Variants in RICTOR observed in about 807,000 individuals in gnomAD.
RICTOR encodes rapamycin-insensitive companion of mTOR.
A neutral mutation model predicts 214.9 loss-of-function variants in RICTOR; 49 were observed. That is an observed-to-expected ratio of 0.23 (90% CI 0.18 to 0.29). The LOEUF is 0.29. Ranked by LOEUF, RICTOR falls within the 10% of genes least tolerant of loss-of-function variation. The pLI, the probability that RICTOR is intolerant of heterozygous loss-of-function variation, is 1.00. For missense variants in RICTOR, 1,625 were observed against 2,047.0 expected (o/e 0.79, Z 3.98); for synonymous variants, 717 against 711.3 (o/e 1.01, Z -0.13).
At position 39,073,382 on chromosome 5, in the gene RICTOR, T is replaced by G. The variant is rs994149824; in HGVS notation, c.97+729A>C. Among the ~76,000 whole-genome samples the G allele has an allele frequency of 2.0e-5, 3 of 152,116 alleles. No homozygotes were observed. The East Asian group carries it at 5.8e-4, about 29-fold the overall frequency. ...CTGGCTAGTAACGGGATTAGGTCAT[T>G]AAAAATATCACCCGAGTTTCCCCAG... On this transcript the variant is annotated intron_variant, in intron 2 of 37. Transcript: ENST00000357387.
At chr5:39,051,752 C>CAA (rs34743371) in intron 2 of RICTOR, among the ~76,000 whole-genome samples, 103 of 147,642 alleles carry the variant, frequency 7.0e-4, no homozygotes, top group Non-Finnish European at 1.1e-3. Context: ...GACTCTGTCT[C>CAA]AAAAAAAAAA....
intron 15 of RICTOR, among the ~76,000 whole-genome samples, 192 bp downstream of exon 15, chr5:38,966,449 A>C (rs1458451742): frequency 1.3e-5 from 2 of 149,284 alleles, no homozygotes; most frequent in African/African-American, 4.8e-5. Context: ...ATGCATGTGC[A>C]TGCGCATGCG....
At chr5:39,012,929 T>G (rs1754653908) in intron 3 of RICTOR, among the ~76,000 whole-genome samples, 1 of 152,160 alleles carries the variant, frequency 6.6e-6, no homozygotes. Context: ...GGTTACTCTC[T>G]GCTTTTCAAG....
At chr5:38,999,466 G>C (rs987648836) in intron 5 of RICTOR, among the ~76,000 whole-genome samples, 1 of 151,972 alleles carries the variant, frequency 6.6e-6, no homozygotes, top group African/African-American at 2.4e-5. Context: ...GAACATGAAG[G>C]CAAAATAGAG....
intron 2 of RICTOR, among the ~76,000 whole-genome samples, chr5:39,040,769 G>A (rs189728855): frequency 1.1e-4 from 17 of 152,066 alleles, no homozygotes; most frequent in Middle Eastern, 3.4e-3. Flanking sequence ...GTATATCTAC[G>A]CAGTATTTCA....
intron 3 of RICTOR, among the ~76,000 whole-genome samples, chr5:39,004,160 G>A (rs1580072199): frequency 6.6e-6 from 1 of 152,060 alleles, no homozygotes; most frequent in East Asian, 1.9e-4. Flanking sequence ...TCATTTTGAT[G>A]GTTCCTTATT....
At chr5:39,069,917 T>C (rs1430303168) in intron 2 of RICTOR, among the ~76,000 whole-genome samples, 1 of 152,216 alleles carries the variant, frequency 6.6e-6, no homozygotes, top group Non-Finnish European at 1.5e-5. Flanking sequence ...TTAATCATTC[T>C]CTCCTCTGGC....
chr5:39,050,322 C>G (rs554564565), intron 2 of RICTOR, among the ~76,000 whole-genome samples: 30 of 151,678 alleles, frequency 2.0e-4, no homozygotes, highest in East Asian at 1.2e-3. Context: ...GAACTTACTG[C>G]TTTGTTTTTC....
intron 3 of RICTOR, among the ~76,000 whole-genome samples, chr5:39,010,215 C>G (rs559239503): frequency 6.6e-6 from 1 of 152,278 alleles, no homozygotes; most frequent in South Asian, 2.1e-4. Context: ...AGGCTTCCCC[C>G]TTTTCTAGGC....
intron 2 of RICTOR, among the ~76,000 whole-genome samples, chr5:39,061,675 G>A (rs984490446): frequency 5.3e-5 from 8 of 150,912 alleles, no homozygotes; most frequent in African/African-American, 1.9e-4. Flanking sequence ...ATTCCTCCCG[G>A]AATCAAAAAT....
chr5:38,976,135 T>C (rs1751212667), intron 9 of RICTOR, among the ~76,000 whole-genome samples: 1 of 152,330 alleles, frequency 6.6e-6, no homozygotes, highest in South Asian at 2.1e-4. Context: ...GTTTCCATTA[T>C]TCCCTCCTCT....
rs1475619652 is a variant in RICTOR at position 38,959,990 on chromosome 5, T to C, written c.1852-12A>G. 2 of 1,528,076 alleles carry C rather than the reference T, an allele frequency of 1.3e-6. No homozygotes were observed. The highest frequency in any genetic ancestry group is 1.8e-6 in the Non-Finnish European group (2 of 1,102,778). The allele number at this position is 1,528,076 out of a possible 1,614,324, so 94.7% of individuals were successfully genotyped here. Reference sequence around the variant, plus strand: ...TAGCCTTGCCCATCCTAAAAGTAAATACATTGTGATATTGTGAGAAAAGCA... The same window carrying C: ...TAGCCTTGCCCATCCTAAAAGTAAACACATTGTGATATTGTGAGAAAAGCA... On this transcript the variant is annotated splice_polypyrimidine_tract_variant and intron_variant, in intron 20 of 37. Coordinates refer to ENST00000357387, the MANE Select transcript of RICTOR (RefSeq NM_152756.5).
At chr5:39,051,630 T>C (rs1757857890) in intron 2 of RICTOR, among the ~76,000 whole-genome samples, 1 of 152,008 alleles carries the variant, frequency 6.6e-6, no homozygotes, top group East Asian at 1.9e-4. Flanking sequence ...GGTGGGCGCC[T>C]GTAATCCCAG....
intron 2 of RICTOR, among the ~76,000 whole-genome samples, chr5:39,027,964 C>T (rs961126773): frequency 6.6e-6 from 1 of 151,668 alleles, no homozygotes. Context: ...AATAAAATAA[C>T]CCATGTAAAA....
At chr5:39,032,953 A>G (rs1269321768) in intron 2 of RICTOR, among the ~76,000 whole-genome samples, 8 of 152,174 alleles carry the variant, frequency 5.3e-5, no homozygotes, top group Admixed American at 2.6e-4. Context: ...TTCCTAACCT[A>G]CAAGCCCCCT....
intron 2 of RICTOR, among the ~76,000 whole-genome samples, chr5:39,028,364 A>G (rs1255916754): frequency 6.6e-6 from 1 of 151,380 alleles, no homozygotes; most frequent in Non-Finnish European, 1.5e-5. Flanking sequence ...TTGTATTTTT[A>G]GTAGAGACGG....
At chr5:38,958,230 G>A (rs939994813) in intron 24 of RICTOR, among the ~76,000 whole-genome samples, 5 of 151,252 alleles carry the variant, frequency 3.3e-5, no homozygotes, top group East Asian at 1.9e-4. Flanking sequence ...AAGCGAGGCC[G>A]TCTCAATAAA....
In RICTOR at chr5:38,958,811, T is replaced by C. The variant is rs1465701845; in HGVS notation, c.2199A>G (p.Thr733=). ...AATDACRLYA[T]KHLRVLLRAN... The stretch of plus-strand genomic sequence containing the variant: ...CTCTCAATAATACCCTTAAATGTTT[T>C]GTTGCATAGAGTCTGCAGGCCTATA... Residue 733 remains threonine (T), a synonymous_variant, in exon 23 of 38, where the codon ACA becomes ACG. Coordinates refer to ENST00000357387, the MANE Select transcript of RICTOR (RefSeq NM_152756.5). 1.2e-6 allele frequency: 2 copies of C among 1,600,844 alleles called. No individual in the cohort carries two copies. Among genetic ancestry groups the C allele is most frequent in the East Asian group, 4.5e-5 (2 of 44,584 alleles).
intron 7 of RICTOR, among the ~76,000 whole-genome samples, chr5:38,985,041 G>T (rs1449272095): frequency 1.3e-5 from 2 of 152,084 alleles, no homozygotes; most frequent in Non-Finnish European, 2.9e-5. Flanking sequence ...TCGATCTCTT[G>T]ACCTCGTGAT....
Sources: gnomAD v4.1 joint callset for allele counts (sites outside exome capture counted in the v4.1 genomes callset) on GRCh38, gnomAD v4.1.1 for gene constraint, MANE v1.5 for transcripts, NCBI Gene and HGNC (gene_info 2026-07-23, HGNC 2026-07-21) for gene names.